Variants in ABLIM2 observed in about 807,000 individuals in gnomAD.
ABLIM2 encodes the protein actin-binding LIM protein 2.
Under a neutral mutation model 97.7 loss-of-function variants are expected in ABLIM2, and 53 were observed. The observed-to-expected ratio is 0.54, with a 90% confidence interval of 0.44 to 0.68. The LOEUF (loss-of-function observed/expected upper bound fraction) is 0.68, where lower values mean the gene tolerates loss of function less well. Ranked by LOEUF, ABLIM2 falls within the 30% of genes least tolerant of loss-of-function variation. The pLI, the probability that ABLIM2 is intolerant of heterozygous loss-of-function variation, is 0.00. For missense variants in ABLIM2, 835 were observed against 867.2 expected, an observed-to-expected ratio of 0.96 and a Z score of 0.47; for synonymous variants, 361 against 345.8, an observed-to-expected ratio of 1.04 and a Z score of -0.49.
In ABLIM2 at chr4:8,088,272, G is replaced by T; in HGVS notation, c.351C>A (p.Pro117=). 1.9e-6 allele frequency: 3 copies of T among 1,612,628 alleles called. No homozygotes were observed. Among genetic ancestry groups the T allele is most frequent in the Non-Finnish European group, 1.7e-6 (2 of 1,179,454 alleles). ...FVCAVCRLPF[P]PGDRVTFNGK... is the part of the protein sequence containing the mutation. ...CGTTGAAGGTCACTCGGTCCCCGGG[G>T]GGGAAGGGCAGCCTGAAACAAGAGA... Residue 117 remains proline (P), a synonymous_variant, in exon 4 of 21, where the codon CCC becomes CCA. Transcript: ENST00000447017.
chr4:8,008,138 C>T lies in ABLIM2; in HGVS notation c.1539G>A (p.Leu513=). The change falls in exon 16 of 21, where the codon CTG becomes CTA. Residue 513 remains leucine (L), a synonymous_variant. Transcript: ENST00000447017. ...TGCTGTGGGACAAGGACTGGGTGTC[C>T]AGGTCTGGAGAATTGGTCCTTGTGT... The part of the protein sequence containing the change: ...DADTRTNSPD[L]DTQSLSHSSG... 6.2e-7 allele frequency: 1 copy of T among 1,614,038 alleles called. No homozygotes were observed. Among genetic ancestry groups the T allele is most frequent in the Non-Finnish European group, 8.5e-7 (1 of 1,179,904 alleles).
chr4:8,016,900 C>T (rs1342718277), intron 14 of ABLIM2, among the ~76,000 whole-genome samples: 2 of 152,224 alleles, frequency 1.3e-5, no homozygotes, highest in Admixed American at 6.5e-5. Flanking sequence ...TTCCCTTTAC[C>T]CTCTCCTCTT....
At chr4:8,121,890 C>A (rs1845657079) in intron 1 of ABLIM2, among the ~76,000 whole-genome samples, 1 of 152,218 alleles carries the variant, frequency 6.6e-6, no homozygotes, top group African/African-American at 2.4e-5. Flanking sequence ...CCTCCACCCA[C>A]AACCCAGGTC....
rs916287652 is a variant in ABLIM2 at position 8,148,024 on chromosome 4, C to T, written c.10+10656G>A. ...GGCCCAGCTGCAGACCAACCCCAAA[C>T]TCTGGTGTGGTTCCCTGAGGCCCAG... On this transcript the variant is annotated intron_variant, in intron 1 of 20. Coordinates refer to ENST00000447017, the MANE Select transcript of ABLIM2 (RefSeq NM_001130083.2). This position sits in a 1 kb window ranked among gnomAD's most constrained non-coding sequence, Gnocchi z 6.7. Among the ~76,000 whole-genome samples, 1 of 152,236 alleles carries T rather than the reference C, an allele frequency of 6.6e-6. No homozygotes were observed. The highest frequency in any genetic ancestry group is 1.5e-5 in the Non-Finnish European group (1 of 68,040).
chr4:8,099,608 G>A (rs1159463059), intron 2 of ABLIM2, among the ~76,000 whole-genome samples: 1 of 152,206 alleles, frequency 6.6e-6, no homozygotes, highest in Non-Finnish European at 1.5e-5. Context: ...CACTTTGGGA[G>A]GCTGAGGCAG....
intron 20 of ABLIM2, among the ~76,000 whole-genome samples, chr4:7,969,190 A>G (rs1725518315): frequency 6.6e-6 from 1 of 152,140 alleles, no homozygotes; most frequent in African/African-American, 2.4e-5. Flanking sequence ...GTGGTGGCTC[A>G]CACCTGTAAT....
intron 16 of ABLIM2, among the ~76,000 whole-genome samples, chr4:7,997,968 G>A (rs374726032): frequency 5.3e-5 from 8 of 150,998 alleles, no homozygotes; most frequent in East Asian, 3.9e-4. Context: ...CACAACCTCC[G>A]CCTCCCGGGT....
intron 10 of ABLIM2, among the ~76,000 whole-genome samples, chr4:8,035,539 C>A (rs144709621): frequency 6.6e-6 from 1 of 152,198 alleles, no homozygotes; most frequent in African/African-American, 2.4e-5. Flanking sequence ...CAGGCAGCTG[C>A]GGTCATGTTG....
chr4:8,070,632 A>G (rs1048409545), intron 6 of ABLIM2, among the ~76,000 whole-genome samples: 1 of 152,116 alleles, frequency 6.6e-6, no homozygotes, highest in African/African-American at 2.4e-5. Context: ...CAGGGCAGAG[A>G]GAGCCTCGGC....
intron 20 of ABLIM2, among the ~76,000 whole-genome samples, chr4:7,973,491 A>G (rs1729961994): frequency 1.3e-5 from 2 of 150,210 alleles, no homozygotes; most frequent in African/African-American, 4.9e-5. Flanking sequence ...ACAGAGTGAG[A>G]CTACGTCTTG....
chr4:8,022,142 C>T lies in ABLIM2; in HGVS notation c.1268-1839G>A, dbSNP rs1358378306. Among the ~76,000 whole-genome samples the T allele has an allele frequency of 3.3e-5, 5 of 152,312 alleles. No homozygotes were observed. Among genetic ancestry groups the T allele is most frequent in the East Asian group, 1.9e-4 (1 of 5,174 alleles). ...GCAGGTTTTAAAAACTGCACCCACA[C>T]GAACTCTGAACAGAGGAAGACGGTT... On this transcript the variant is annotated intron_variant, in intron 12 of 20. Coordinates refer to ENST00000447017, the MANE Select transcript of ABLIM2 (RefSeq NM_001130083.2). This position sits in a 1 kb window ranked among gnomAD's most constrained non-coding sequence, Gnocchi z 7.8.
chr4:8,040,402 G>A (rs1012260777), intron 9 of ABLIM2, among the ~76,000 whole-genome samples: 2 of 152,124 alleles, frequency 1.3e-5, no homozygotes, highest in East Asian at 1.9e-4. Flanking sequence ...CCTGAGGCCA[G>A]GAGTTTGAGA....
intron 1 of ABLIM2, among the ~76,000 whole-genome samples, chr4:8,131,859 CCG>C (rs1849472643): frequency 2.8e-5 from 4 of 143,156 alleles, no homozygotes; most frequent in Non-Finnish European, 4.6e-5. Flanking sequence ...GCACAGCAGC[CCG>C]CATCCCCTGC....
rs1846290795 is a variant in ABLIM2, at chr4:8,123,271, C to T, written c.11-16634G>A. ...ATGGTGTGGGCACAACAGCACCAGC[C>T]CCATCTCCAACTGGCATGAGAGGCG... On this transcript the variant is annotated intron_variant, in intron 1 of 20. Coordinates refer to ENST00000447017, the MANE Select transcript of ABLIM2 (RefSeq NM_001130083.2). This position sits in a 1 kb window ranked among gnomAD's most constrained non-coding sequence, Gnocchi z 6.2. Among the ~76,000 whole-genome samples the T allele has an allele frequency of 6.6e-6, 1 of 152,124 alleles. No individual in the cohort carries two copies. Among genetic ancestry groups the T allele is most frequent in the Non-Finnish European group, 1.5e-5 (1 of 68,020 alleles).
At chr4:8,099,403 A>C (rs1316375317) in intron 2 of ABLIM2, among the ~76,000 whole-genome samples, 1 of 152,154 alleles carries the variant, frequency 6.6e-6, no homozygotes, top group Non-Finnish European at 1.5e-5. Context: ...AACATGTGGC[A>C]GTGGTTCTGG....
At position 8,106,549 on chromosome 4, in the gene ABLIM2, G is replaced by A. The variant is rs370341526; in HGVS notation, c.99C>T (p.Gly33=). 53 of 1,606,742 alleles carry A rather than the reference G, an allele frequency of 3.3e-5. No homozygotes were observed. The highest frequency in any genetic ancestry group is 1.5e-4 in the South Asian group (13 of 89,270). Residue 33 remains glycine, a synonymous_variant, in exon 2 of 21, where the codon GGC becomes GGT. Coordinates refer to ENST00000447017, the MANE Select transcript of ABLIM2 (RefSeq NM_001130083.2). The part of the protein sequence containing the change: ...LCNTCGNVCK[G]EVLRVQDKYF... ...ACTTGTCCTGCACCCGCAGCACCTC[G>A]CCCTTGCACACATTCCCACACGTGT...
At chr4:8,119,114 C>G (rs914179098) in intron 1 of ABLIM2, among the ~76,000 whole-genome samples, 2 of 151,990 alleles carry the variant, frequency 1.3e-5, no homozygotes, top group Non-Finnish European at 2.9e-5. Flanking sequence ...AACAAGTGGC[C>G]CAGCAAGCCT....
rs66561438 is a variant in ABLIM2 at position 8,068,739 on chromosome 4, C to A, written c.676-7685G>T. Among the ~76,000 whole-genome samples, 20,907 of 152,258 alleles carry A rather than the reference C, an allele frequency of 0.14. 1,764 individuals carry two copies. Among genetic ancestry groups the A allele is most frequent in the East Asian group, 0.2 (1,040 of 5,168 alleles). ...CAGCCGAGGGCCAGGGCTGGGCCTGCGGGCTGCACCTCCCTGCAGCAGGCA... is the reference window on the plus strand; with the variant it reads ...CAGCCGAGGGCCAGGGCTGGGCCTGAGGGCTGCACCTCCCTGCAGCAGGCA... On this transcript the variant is annotated intron_variant, in intron 6 of 20. Coordinates refer to ENST00000447017, the MANE Select transcript of ABLIM2 (RefSeq NM_001130083.2). The surrounding 1 kb of genome is among the most constrained non-coding windows in gnomAD (Gnocchi z 4.5).
rs765496063 is a variant in ABLIM2, at chr4:8,036,208, T to C, written c.988A>G (p.Met330Val). 1.4e-5 allele frequency: 23 copies of C among 1,613,888 alleles called. No individual in the cohort carries two copies. The highest frequency in any genetic ancestry group is 1.9e-5 in the Non-Finnish European group (22 of 1,179,822). The change falls in exon 10 of 21, where the codon ATG becomes GTG. Residue 330 changes from methionine to valine, a missense_variant. Transcript: ENST00000447017. ...KAIYDIDRPD[M>V]ISYSPYISHS... ...CTGATGTAGGGTGAGTAGGAGATCA[T>C]GTCGGGGCGGTCGATGTCATAGATG...
Sources: allele counts gnomAD v4.1 joint callset (sites outside exome capture counted in the v4.1 genomes callset), GRCh38; gene constraint gnomAD v4.1.1; non-coding constraint Gnocchi (gnomAD v3.1); transcripts MANE v1.5; gene names NCBI Gene and HGNC (gene_info 2026-07-23, HGNC 2026-07-21).